MAGI2: variants seen among roughly 807,000 people sequenced by gnomAD.
MAGI2 encodes the protein membrane-associated guanylate kinase, WW and PDZ domain-containing protein 2.
Under a neutral mutation model 133.3 loss-of-function variants are expected in MAGI2, and 35 were observed. The observed-to-expected ratio is 0.26, with a 90% CI of 0.20 to 0.35. MAGI2 has a LOEUF of 0.35. Ranked by LOEUF, MAGI2 falls within the 10% of genes least tolerant of loss-of-function variation. The probability of loss-of-function intolerance (pLI) is 1.00; values close to 1 mark genes in which losing one functional copy is unlikely to be tolerated. For synonymous variants in MAGI2, 729 were observed against 710.6 expected, an observed-to-expected ratio of 1.03 and a Z score of -0.41; for missense variants, 1,636 against 1,863.4, an observed-to-expected ratio of 0.88 and a Z score of 2.25.
intron 2 of MAGI2, among the ~76,000 whole-genome samples, chr7:78,872,428 A>T (rs1347049676): frequency 6.6e-6 from 1 of 152,180 alleles, no homozygotes; most frequent in Non-Finnish European, 1.5e-5. Context: ...AAATTGTGAA[A>T]GATACTAGAA....
At chr7:78,817,735 AG>A (rs1789727289) in intron 2 of MAGI2, among the ~76,000 whole-genome samples, 1 of 148,146 alleles carries the variant, frequency 6.8e-6, no homozygotes, top group African/African-American at 2.5e-5. Flanking sequence ...TTTTAGCTGG[AG>A]TTGTATTCTG....
At chr7:79,397,652 A>G (rs1845157913) in intron 1 of MAGI2, among the ~76,000 whole-genome samples, 1 of 152,238 alleles carries the variant, frequency 6.6e-6, no homozygotes, top group Non-Finnish European at 1.5e-5. Flanking sequence ...TTTGATAGGT[A>G]ATGACTATCT....
intron 3 of MAGI2, among the ~76,000 whole-genome samples, chr7:78,602,310 C>T (rs1302372211): frequency 6.6e-6 from 1 of 152,070 alleles, no homozygotes; most frequent in Non-Finnish European, 1.5e-5. Context: ...CAGGTGCCCG[C>T]CACCATGCCC....
At chr7:79,438,238 C>G (rs889254037) in intron 1 of MAGI2, among the ~76,000 whole-genome samples, 1 of 152,068 alleles carries the variant, frequency 6.6e-6, no homozygotes, top group Non-Finnish European at 1.5e-5. Context: ...ATTATACGAG[C>G]CGGCGCTCAT....
chr7:78,180,078 G>A (rs553986882), intron 13 of MAGI2, among the ~76,000 whole-genome samples: 111 of 152,276 alleles, frequency 7.3e-4, no homozygotes, highest in Non-Finnish European at 1.4e-3. Context: ...AACTGCTCAT[G>A]GCAATCTCTT....
rs143654985 is a variant in MAGI2 at position 78,053,309 on chromosome 7, C to G, written c.3706+25638G>C. On this transcript the variant is annotated intron_variant, in intron 21 of 21. Transcript: ENST00000354212. ...TTTAGAACATTAGTCTTTCAAAGAG[C>G]TTTGTCAGATGTGTAGGTGAGGAGA... 4.5e-4 allele frequency among the ~76,000 whole-genome samples: 69 copies of G among 152,294 alleles called. 1 individual carries two copies. Among genetic ancestry groups the G allele is most frequent in the African/African-American group, 1.5e-3 (62 of 41,566 alleles).
chr7:78,884,783 A>C (rs1159117858), intron 2 of MAGI2, among the ~76,000 whole-genome samples: 5 of 152,208 alleles, frequency 3.3e-5, no homozygotes, highest in African/African-American at 1.2e-4. Flanking sequence ...AGAACTAAAA[A>C]AGATCTACTT....
intron 10 of MAGI2, among the ~76,000 whole-genome samples, chr7:78,241,556 C>G (rs923906700): frequency 6.6e-6 from 1 of 152,134 alleles, no homozygotes; most frequent in African/African-American, 2.4e-5. Flanking sequence ...GTTAGGATAC[C>G]TTGTGAATTT....
chr7:79,262,442 A>G (rs1834152469), intron 1 of MAGI2, among the ~76,000 whole-genome samples: 2 of 152,222 alleles, frequency 1.3e-5, no homozygotes, highest in Admixed American at 6.6e-5. Context: ...TGCTAATTCT[A>G]CTTGCCTGTG....
chr7:79,032,711 C>A (rs1214111461), intron 1 of MAGI2, among the ~76,000 whole-genome samples: 1 of 151,776 alleles, frequency 6.6e-6, no homozygotes, highest in African/African-American at 2.4e-5. Context: ...CAGCAAAGGA[C>A]ATTAGTAAAA....
intron 9 of MAGI2, among the ~76,000 whole-genome samples, chr7:78,267,993 G>A (rs898749317): frequency 2.6e-5 from 4 of 152,178 alleles, no homozygotes; most frequent in Middle Eastern, 3.4e-3. Flanking sequence ...ATTTTAAGTT[G>A]CCCCCTCCCT....
chr7:78,256,424 G>A lies in MAGI2; in HGVS notation c.1566C>T (p.Ser522=). 6.2e-7 allele frequency: 1 copy of A among 1,613,952 alleles called. No homozygotes were observed. The highest frequency in any genetic ancestry group is 8.5e-7 in the Non-Finnish European group (1 of 1,179,964). The change falls in exon 10 of 22, where the codon AGC becomes AGT. Residue 522 remains serine, a synonymous_variant. Transcript: ENST00000354212. ...CCATTATTGCAAGGGGTGGCACCATGCTGTTAGCAGGGTCTTCAGGATCAA... is the reference window on the plus strand; with the variant it reads ...CCATTATTGCAAGGGGTGGCACCATACTGTTAGCAGGGTCTTCAGGATCAA... ...LPFDPEDPAN[S]MVPPLAIMER...
intron 1 of MAGI2, among the ~76,000 whole-genome samples, chr7:79,261,884 T>C (rs1834118614): frequency 1.3e-5 from 2 of 152,214 alleles, no homozygotes; most frequent in African/African-American, 4.8e-5. Context: ...ACTTTAGTCT[T>C]CTGGGAAACT....
At chr7:78,030,236 C>T (rs557859273) in intron 21 of MAGI2, among the ~76,000 whole-genome samples, 2 of 152,242 alleles carry the variant, frequency 1.3e-5, no homozygotes, top group East Asian at 3.9e-4. Context: ...TGCACATTAG[C>T]CATTAAATTA....
At chr7:78,395,058 A>T (rs1313000207) in intron 6 of MAGI2, among the ~76,000 whole-genome samples, 1 of 152,196 alleles carries the variant, frequency 6.6e-6, no homozygotes, top group Non-Finnish European at 1.5e-5. Context: ...GCTAGTTCTT[A>T]TAAAGGAGAA....
In MAGI2 at chr7:78,174,046, C is replaced by T. The variant is rs1826362280; in HGVS notation, c.2403+3965G>A. Among the ~76,000 whole-genome samples, 4 of 152,076 alleles carry T rather than the reference C, an allele frequency of 2.6e-5. No individual in the cohort carries two copies. The South Asian group carries it at 8.3e-4, about 32-fold the overall frequency. On this transcript the variant is annotated intron_variant, in intron 14 of 21. Coordinates refer to ENST00000354212, the MANE Select transcript of MAGI2 (RefSeq NM_012301.4). ...CGCTATCTCTGTTTCTGGGACTAGG[C>T]CACTTTAATTCTACAGAGCCTGTAG... is the stretch of plus-strand genomic sequence containing the variant.
At chr7:78,426,552 C>G (rs1333210317) in intron 6 of MAGI2, among the ~76,000 whole-genome samples, 1 of 151,910 alleles carries the variant, frequency 6.6e-6, no homozygotes, top group Non-Finnish European at 1.5e-5. Context: ...CACATGTATA[C>G]ATATGTAACT....
intron 21 of MAGI2, chr7:78,072,906 C>T: frequency 2.5e-6 from 1 of 398,674 alleles, no homozygotes; most frequent in Non-Finnish European, 4.4e-6. Context: ...AGTCCTCCTG[C>T]CTTGGCCTCC....
At chr7:78,765,343 C>CTTTTTTTTTTTTTT (rs10672746) in intron 2 of MAGI2, among the ~76,000 whole-genome samples, 2 of 89,056 alleles carry the variant, frequency 2.2e-5, no homozygotes, top group African/African-American at 4.7e-5. Flanking sequence ...TAGTGCACAT[C>CTTTTTTTTTTTTTT]TTTTTTTTTT....
Sources: allele counts gnomAD v4.1 joint callset (sites outside exome capture counted in the v4.1 genomes callset), GRCh38; gene constraint gnomAD v4.1.1; transcripts MANE v1.5; gene names NCBI Gene and HGNC (gene_info 2026-07-23, HGNC 2026-07-21).